ZNF608: variants seen among roughly 807,000 people sequenced by gnomAD.
The protein encoded by ZNF608 is renal carcinoma antigen NY-REN-36.
Under a neutral mutation model 109.0 loss-of-function variants are expected in ZNF608, and 12 were observed. The ratio of observed to expected loss-of-function variants is 0.11; its 90% confidence interval spans 0.07 to 0.18. The LOEUF is 0.18. Among genes scored for constraint, ZNF608 ranks in the 10% least tolerant of loss-of-function variants. The pLI is 1.00. For missense variants in ZNF608, 1,707 were observed against 1,879.3 expected (o/e 0.91, Z 1.70); for synonymous variants, 732 against 717.4 (o/e 1.02, Z -0.33).
intron 2 of ZNF608, chr5:124,708,793 A>G (rs1444707036): frequency 2.2e-6 from 1 of 456,078 alleles, no homozygotes; most frequent in Admixed American, 2.3e-5. Flanking sequence ...GGGATGGACC[A>G]GGGCTCTGGC....
chr5:124,658,785 T>G (rs1386403284), intron 3 of ZNF608, among the ~76,000 whole-genome samples: 2 of 152,218 alleles, frequency 1.3e-5, no homozygotes, highest in African/African-American at 4.8e-5. Context: ...CAATCCAGTC[T>G]CACAAGCTTG....
intron 4 of ZNF608, 37 bp downstream of exon 4, chr5:124,649,573 G>T (rs372083424): frequency 1.5e-5 from 23 of 1,505,166 alleles, no homozygotes; most frequent in Non-Finnish European, 1.9e-5. Flanking sequence ...GCAAAGAGAG[G>T]ATGGGGAAGG....
In ZNF608 at chr5:124,646,781, C is replaced by G. The variant is rs1001714246; in HGVS notation, c.3603G>C (p.Lys1201Asn). The change falls in exon 5 of 10, where the codon AAG becomes AAC. Residue 1201 changes from lysine to asparagine, a missense_variant. Lys to Asn is a moderately conservative substitution (Grantham distance 94, BLOSUM62 0). Transcript: ENST00000513986. ...TAATAAGCTGGTGGTTTTCCATCTG[C>G]TTAGCTTTGAAGCTGTCGGCCTGAA... The part of the protein sequence containing the change: ...QQLQADSFKA[K>N]QMENHQLIKE... 27 of 1,614,238 alleles carry G rather than the reference C, an allele frequency of 1.7e-5. No individual in the cohort carries two copies. The highest frequency in any genetic ancestry group is 2.3e-5 in the Non-Finnish European group (27 of 1,180,036).
intron 3 of ZNF608, among the ~76,000 whole-genome samples, chr5:124,686,908 T>C (rs1752433010): frequency 6.6e-6 from 1 of 152,190 alleles, no homozygotes; most frequent in Non-Finnish European, 1.5e-5. Context: ...GCACAGGAAG[T>C]GGTGGGCAAT....
At chr5:124,656,799 A>AACACACACACACACACACACAC (rs35634231) in intron 3 of ZNF608, among the ~76,000 whole-genome samples, 1 of 123,920 alleles carries the variant, frequency 8.1e-6, no homozygotes, top group African/African-American at 3.1e-5. Context: ...ATAAGCCCTA[A>AACACACACACACACACACACAC]ACACACACAC....
At chr5:124,726,822 C>T (rs866501254) in intron 2 of ZNF608, among the ~76,000 whole-genome samples, 1 of 152,322 alleles carries the variant, frequency 6.6e-6, no homozygotes, top group East Asian at 1.9e-4. Flanking sequence ...ATGGGCTGTG[C>T]GCCCAACACA....
intron 3 of ZNF608, among the ~76,000 whole-genome samples, chr5:124,661,112 T>C (rs76843142): frequency 0.022 from 3,294 of 152,334 alleles, 75 homozygotes; most frequent in South Asian, 0.12. Context: ...ACCCATCCAT[T>C]GTTTAAAGCA....
intron 3 of ZNF608, among the ~76,000 whole-genome samples, chr5:124,659,776 A>C (rs536842402): frequency 6.6e-6 from 1 of 152,328 alleles, no homozygotes; most frequent in Non-Finnish European, 1.5e-5. Context: ...TACCATCCCC[A>C]GTCCTTGAGC....
intron 2 of ZNF608, among the ~76,000 whole-genome samples, chr5:124,743,144 A>G (rs1749487537): frequency 6.6e-6 from 1 of 152,200 alleles, no homozygotes; most frequent in African/African-American, 2.4e-5. Flanking sequence ...GGCAGTGTCT[A>G]ACTATAGACT....
At chr5:124,716,329 A>T in intron 2 of ZNF608, among the ~76,000 whole-genome samples, 1 of 146,084 alleles carries the variant, frequency 6.8e-6, no homozygotes, top group Admixed American at 6.6e-5. Flanking sequence ...AAATTGTTTC[A>T]TTTAATAAAA....
At chr5:124,693,497 C>T (rs913024934) in intron 3 of ZNF608, among the ~76,000 whole-genome samples, 1 of 152,046 alleles carries the variant, frequency 6.6e-6, no homozygotes, top group Non-Finnish European at 1.5e-5. Context: ...TAATAATAAA[C>T]CTGGCTACAA....
chr5:124,693,974 CTT>C (rs746610497), intron 3 of ZNF608, among the ~76,000 whole-genome samples: 1 of 60,934 alleles, frequency 1.6e-5, no homozygotes, highest in Non-Finnish European at 2.7e-5. Flanking sequence ...TTTCATTAAT[CTT>C]TTTTTTTTTT....
chr5:124,731,597 G>A (rs771744045), intron 2 of ZNF608, among the ~76,000 whole-genome samples: 8 of 151,912 alleles, frequency 5.3e-5, no homozygotes, highest in South Asian at 2.1e-4. Context: ...AGGCTGAGGC[G>A]GGCAGATTAC....
At chr5:124,655,706 A>C (rs1750975455) in intron 3 of ZNF608, among the ~76,000 whole-genome samples, 1 of 152,194 alleles carries the variant, frequency 6.6e-6, no homozygotes, top group Non-Finnish European at 1.5e-5. Context: ...CTATTGTGCA[A>C]GGTATGATTT....
At chr5:124,692,427 C>T (rs762455682) in intron 3 of ZNF608, among the ~76,000 whole-genome samples, 1 of 152,200 alleles carries the variant, frequency 6.6e-6, no homozygotes, top group Non-Finnish European at 1.5e-5. Context: ...AATTTGTGCA[C>T]TTAAGAAGCT....
chr5:124,650,325 T>C (rs1750722484), intron 3 of ZNF608, among the ~76,000 whole-genome samples: 1 of 152,214 alleles, frequency 6.6e-6, no homozygotes, highest in Non-Finnish European at 1.5e-5. Context: ...CCGTATCTGT[T>C]TCAGTGTTTG....
intron 2 of ZNF608, chr5:124,710,071 T>A (rs1404065461): frequency 2.2e-5 from 7 of 323,892 alleles, no homozygotes; most frequent in African/African-American, 8.7e-5. Flanking sequence ...GAATAATGCA[T>A]GTATCTTAGT....
chr5:124,691,301 G>A (rs1390685815), intron 3 of ZNF608, among the ~76,000 whole-genome samples: 1 of 152,096 alleles, frequency 6.6e-6, no homozygotes, highest in Non-Finnish European at 1.5e-5. Context: ...AGGGCTGGGG[G>A]AACCCTTGAA....
At chr5:124,684,868 T>C (rs1038657408) in intron 3 of ZNF608, among the ~76,000 whole-genome samples, 4 of 152,238 alleles carry the variant, frequency 2.6e-5, no homozygotes, top group South Asian at 4.1e-4. Flanking sequence ...ATAGTAGTCA[T>C]AACTGAAATA....
Sources: allele counts gnomAD v4.1 joint callset (sites outside exome capture counted in the v4.1 genomes callset), GRCh38; gene constraint gnomAD v4.1.1; transcripts MANE v1.5; gene names NCBI Gene and HGNC (gene_info 2026-07-23, HGNC 2026-07-21).